Variants in EEIG2 observed in about 807,000 individuals in gnomAD.
EEIG2 encodes the protein family with sequence similarity 102 member B.
At chr1:108,570,437 G>A in the EEIG2 span, among the ~76,000 whole-genome samples, 1 of 152,270 alleles carries the variant, frequency 6.6e-6, no homozygotes, top group Admixed American at 6.5e-5. Context: ...TTGGTTTAGG[G>A]TTGGAATTGA....
the EEIG2 span, among the ~76,000 whole-genome samples, chr1:108,608,119 C>T: frequency 6.6e-6 from 1 of 152,198 alleles, no homozygotes; most frequent in Non-Finnish European, 1.5e-5. Flanking sequence ...CCTTATGCCT[C>T]ACACATACCA....
At chr1:108,588,182 A>G in the EEIG2 span, among the ~76,000 whole-genome samples, 1 of 152,200 alleles carries the variant, frequency 6.6e-6, no homozygotes, top group South Asian at 2.1e-4. Flanking sequence ...GGGGGTGCAG[A>G]TATCTCTTCA....
the EEIG2 span, among the ~76,000 whole-genome samples, chr1:108,573,222 CAAAT>C: frequency 1.3e-5 from 2 of 152,122 alleles, no homozygotes; most frequent in Non-Finnish European, 2.9e-5. Context: ...TTCTACTTTG[CAAAT>C]AAATAAAGAT....
At chr1:108,608,945 C>T in the EEIG2 span, among the ~76,000 whole-genome samples, 1 of 152,222 alleles carries the variant, frequency 6.6e-6, no homozygotes, top group Admixed American at 6.5e-5. Context: ...AAAAAGGAAG[C>T]AAGCTCTCTT....
At chr1:108,588,502 T>C in the EEIG2 span, among the ~76,000 whole-genome samples, 1 of 152,184 alleles carries the variant, frequency 6.6e-6, no homozygotes, top group African/African-American at 2.4e-5. Flanking sequence ...TTGTATGTCT[T>C]CTTTTTTTAT....
chr1:108,561,706 G>A, the EEIG2 span, among the ~76,000 whole-genome samples: 1 of 152,254 alleles, frequency 6.6e-6, no homozygotes, highest in Non-Finnish European at 1.5e-5. Context: ...TGACACATCA[G>A]TGGATATTCA....
chr1:108,598,536 A>G, the EEIG2 span, among the ~76,000 whole-genome samples: 1 of 152,054 alleles, frequency 6.6e-6, no homozygotes, highest in Non-Finnish European at 1.5e-5. Context: ...CATTGTGACC[A>G]TACCAATAAA....
At chr1:108,576,126 C>T in the EEIG2 span, among the ~76,000 whole-genome samples, 2 of 152,142 alleles carry the variant, frequency 1.3e-5, no homozygotes, top group African/African-American at 4.8e-5. Context: ...GGACCACAGG[C>T]ACACACCACT....
At chr1:108,628,466 A>G in the EEIG2 span, 1 of 1,614,172 alleles carries the variant, frequency 6.2e-7, no homozygotes, top group Admixed American at 1.7e-5. Context: ...CTCAGTGGGA[A>G]GCACATCAAC....
chr1:108,561,135 A>G, the EEIG2 span, among the ~76,000 whole-genome samples: 2 of 152,192 alleles, frequency 1.3e-5, no homozygotes, highest in African/African-American at 4.8e-5. Context: ...ATTAGTCTTG[A>G]AGTGGCCACT....
chr1:108,613,370 C>G, the EEIG2 span, among the ~76,000 whole-genome samples: 2 of 152,162 alleles, frequency 1.3e-5, no homozygotes, highest in Non-Finnish European at 2.9e-5. Flanking sequence ...CAAAAGTAGT[C>G]AGTGGCAGAG....
chr1:108,578,603 T>G, the EEIG2 span, among the ~76,000 whole-genome samples: 1 of 151,546 alleles, frequency 6.6e-6, no homozygotes. Flanking sequence ...GGATTACATT[T>G]ATTGATTTGC....
chr1:108,613,486 T>C, the EEIG2 span, among the ~76,000 whole-genome samples: 1 of 152,200 alleles, frequency 6.6e-6, no homozygotes, highest in African/African-American at 2.4e-5. Flanking sequence ...AATGTTTTCA[T>C]TGGAAATTGA....
At chr1:108,587,614 A>G in the EEIG2 span, among the ~76,000 whole-genome samples, 3 of 152,044 alleles carry the variant, frequency 2.0e-5, no homozygotes, top group African/African-American at 7.2e-5. Context: ...ATTCTTTTCT[A>G]TCTGCACAGT....
At chr1:108,608,497 A>AT in the EEIG2 span, among the ~76,000 whole-genome samples, 1 of 152,204 alleles carries the variant, frequency 6.6e-6, no homozygotes, top group African/African-American at 2.4e-5. Flanking sequence ...ATGCCATTTC[A>AT]TGAGACAGTT....
the EEIG2 span, among the ~76,000 whole-genome samples, chr1:108,615,845 C>G: frequency 2.0e-5 from 3 of 150,520 alleles, no homozygotes; most frequent in Middle Eastern, 3.2e-3. Flanking sequence ...AGGTCAGAAG[C>G]TTTTTACTCT....
the EEIG2 span, among the ~76,000 whole-genome samples, chr1:108,580,099 A>G: frequency 6.6e-6 from 1 of 152,088 alleles, no homozygotes; most frequent in African/African-American, 2.4e-5. Context: ...AGCTCACTTC[A>G]TATCTCTAGG....
At chr1:108,593,263 C>A in the EEIG2 span, among the ~76,000 whole-genome samples, 1 of 152,232 alleles carries the variant, frequency 6.6e-6, no homozygotes, top group Non-Finnish European at 1.5e-5. Context: ...GCACCATCAT[C>A]ACATGGCTTT....
chr1:108,582,142 G>T, the EEIG2 span, among the ~76,000 whole-genome samples: 1 of 152,076 alleles, frequency 6.6e-6, no homozygotes, highest in East Asian at 1.9e-4. Context: ...TTAAATTAAG[G>T]TATATACATT....
Sources: gnomAD v4.1 joint callset for allele counts (sites outside exome capture counted in the v4.1 genomes callset) on GRCh38, gnomAD v4.1.1 for gene constraint, MANE v1.5 for transcripts, NCBI Gene and HGNC (gene_info 2026-07-23, HGNC 2026-07-21) for gene names.